SGCD: variants seen among roughly 807,000 people sequenced by gnomAD.
SGCD encodes delta-sarcoglycan.
Under a neutral mutation model 36.6 loss-of-function variants are expected in SGCD, and 18 were observed. The ratio of observed to expected loss-of-function variants is 0.49; its 90% CI spans 0.34 to 0.73. The LOEUF (loss-of-function observed/expected upper bound fraction) is 0.73, where lower values mean the gene tolerates loss of function less well. Ranked by LOEUF, SGCD falls within the 30% of genes least tolerant of loss-of-function variation. The pLI is 0.01. For missense variants in SGCD, 387 were observed against 346.7 expected (o/e 1.12, Z -0.92); for synonymous variants, 133 against 130.6 (o/e 1.02, Z -0.12).
chr5:156,344,373 A>G, intron 2 of SGCD, 116 bp from the exon 3 acceptor site: 1 of 691,838 alleles, frequency 1.4e-6, no homozygotes, highest in Non-Finnish European at 2.3e-6. Flanking sequence ...AGAGGGTATA[A>G]AAGTAGACAG....
At chr5:156,236,528 C>A (rs1176237509) in intron 3 of SGCD, among the ~76,000 whole-genome samples, 1 of 151,560 alleles carries the variant, frequency 6.6e-6, no homozygotes, top group Non-Finnish European at 1.5e-5. Context: ...CTGCTCACTG[C>A]AAGCTCTGCC....
intron 1 of SGCD, among the ~76,000 whole-genome samples, chr5:156,104,437 A>C (rs1173971621): frequency 6.6e-6 from 1 of 152,190 alleles, no homozygotes; most frequent in African/African-American, 2.4e-5. Flanking sequence ...TTACAGTCTA[A>C]GAGGGACCTG....
At chr5:156,749,504 T>G (rs895121195) in intron 7 of SGCD, among the ~76,000 whole-genome samples, 9 of 151,940 alleles carry the variant, frequency 5.9e-5, no homozygotes, top group African/African-American at 2.2e-4. Flanking sequence ...CCTCTGGCAG[T>G]ACTGTTCAAG....
chr5:156,229,726 G>A (rs1202425757), intron 3 of SGCD, among the ~76,000 whole-genome samples: 1 of 152,032 alleles, frequency 6.6e-6, no homozygotes, highest in African/African-American at 2.4e-5. Context: ...AGTAAGGGAA[G>A]TTTTCCTTGA....
At chr5:155,831,312 C>T in the SGCD span, among the ~76,000 whole-genome samples, 4 of 152,180 alleles carry the variant, frequency 2.6e-5, no homozygotes, top group South Asian at 2.1e-4. Flanking sequence ...TCCCTTTCTC[C>T]GTGCCTCCGT....
At chr5:156,086,488 CT>C (rs1761094451) in intron 1 of SGCD, among the ~76,000 whole-genome samples, 1 of 152,148 alleles carries the variant, frequency 6.6e-6, no homozygotes, top group Admixed American at 6.5e-5. Flanking sequence ...GAAATTGGTT[CT>C]TAAGGGCACT....
chr5:155,765,425 AAG>A, the SGCD span, among the ~76,000 whole-genome samples: 2 of 95,060 alleles, frequency 2.1e-5, no homozygotes. Context: ...AAGGAAGGGA[AAG>A]AGGGAGGAGG....
the SGCD span, among the ~76,000 whole-genome samples, chr5:155,804,063 T>G: frequency 7.9e-5 from 12 of 152,188 alleles, no homozygotes; most frequent in Non-Finnish European, 1.8e-4. Context: ...ATGGAGAGGA[T>G]TAGAAACTCA....
chr5:156,558,109 ATATATATATATATATT>A lies in SGCD; in HGVS notation c.295-31121_295-31106del, dbSNP rs1245775713. ...TACAAATATATATATATATATATAT[ATATATATATATATATT>A]ATTTAACTCTCTTTTAAAGGCAGTT... On this transcript the variant is annotated intron_variant, in intron 4 of 8. Transcript: ENST00000337851. 1.9e-3 allele frequency among the ~76,000 whole-genome samples: 260 copies of A among 135,212 alleles called. 6 individuals are homozygous for A. The highest frequency in any genetic ancestry group is 3.5e-3 in the Non-Finnish European group (224 of 63,416). 88.7% of individuals were successfully genotyped at this position (135,212 alleles called of 152,430 possible).
intron 3 of SGCD, among the ~76,000 whole-genome samples, chr5:156,138,109 A>G (rs995515315): frequency 6.6e-6 from 1 of 152,092 alleles, no homozygotes; most frequent in African/African-American, 2.4e-5. Flanking sequence ...TTGAAACTTC[A>G]CATACACGGA....
chr5:155,771,230 T>C, the SGCD span, among the ~76,000 whole-genome samples: 2 of 151,690 alleles, frequency 1.3e-5, no homozygotes, highest in Non-Finnish European at 1.5e-5. Flanking sequence ...CTCATTTTGC[T>C]GGGGTATTTC....
At chr5:155,797,492 A>C in the SGCD span, among the ~76,000 whole-genome samples, 1 of 152,202 alleles carries the variant, frequency 6.6e-6, no homozygotes, top group South Asian at 2.1e-4. Flanking sequence ...TTTTGTAGGA[A>C]AAAAGGCCAA....
At chr5:156,042,186 TA>T (rs1297956406) in intron 1 of SGCD, among the ~76,000 whole-genome samples, 1 of 136,490 alleles carries the variant, frequency 7.3e-6, no homozygotes, top group Non-Finnish European at 1.5e-5. Context: ...TTAAAATAGG[TA>T]TTTTTTTTTT....
chr5:156,048,958 G>A (rs1288776844), intron 1 of SGCD, among the ~76,000 whole-genome samples: 4 of 150,370 alleles, frequency 2.7e-5, no homozygotes, highest in African/African-American at 9.7e-5. Flanking sequence ...ATGGTTTCAG[G>A]TCTAACATTT....
chr5:156,060,437 G>GC (rs1287159841), intron 1 of SGCD, among the ~76,000 whole-genome samples: 1 of 146,438 alleles, frequency 6.8e-6, no homozygotes, highest in Non-Finnish European at 1.5e-5. Flanking sequence ...CTATCTTCTA[G>GC]CCCAAAACAA....
At chr5:156,358,299 G>C (rs1769591331) in intron 3 of SGCD, among the ~76,000 whole-genome samples, 1 of 152,188 alleles carries the variant, frequency 6.6e-6, no homozygotes, top group Non-Finnish European at 1.5e-5. Context: ...CAGGTAGTCT[G>C]AATTGAAACC....
At chr5:156,194,385 A>G (rs1029524796) in intron 3 of SGCD, among the ~76,000 whole-genome samples, 1 of 152,176 alleles carries the variant, frequency 6.6e-6, no homozygotes, top group Non-Finnish European at 1.5e-5. Flanking sequence ...TCTCCAAAAA[A>G]GAAAAAGAAA....
intron 1 of SGCD, among the ~76,000 whole-genome samples, chr5:155,934,537 T>G (rs1757160878): frequency 6.6e-6 from 1 of 152,198 alleles, no homozygotes; most frequent in Admixed American, 6.5e-5. Context: ...AAGCAGTAGT[T>G]TTTCTTTGTG....
intron 1 of SGCD, among the ~76,000 whole-genome samples, chr5:156,110,420 G>C (rs1431738074): frequency 2.0e-5 from 3 of 151,908 alleles, no homozygotes; most frequent in Non-Finnish European, 4.4e-5. Flanking sequence ...ATTGGGTTCG[G>C]AGTCCATAGC....
Sources: gnomAD v4.1 joint callset for allele counts (sites outside exome capture counted in the v4.1 genomes callset) on GRCh38, gnomAD v4.1.1 for gene constraint, MANE v1.5 for transcripts, NCBI Gene and HGNC (gene_info 2026-07-23, HGNC 2026-07-21) for gene names.